Variants in QTMAN observed in about 807,000 individuals in gnomAD.
The protein encoded by QTMAN is queuosine-tRNA mannosyltransferase, also known as tRNA-queuosine alpha-mannosyltransferase.
chr2:144,203,188 T>TGC, the QTMAN span, among the ~76,000 whole-genome samples: 1 of 146,130 alleles, frequency 6.8e-6, no homozygotes, highest in Non-Finnish European at 1.5e-5. Flanking sequence ...TGTGTGTGTG[T>TGC]GTGCACGTGC....
At chr2:144,287,878 T>C in the QTMAN span, among the ~76,000 whole-genome samples, 6 of 152,182 alleles carry the variant, frequency 3.9e-5, no homozygotes, top group Non-Finnish European at 5.9e-5. Context: ...ATCTTTGACA[T>C]GGAGTCTCGC....
chr2:144,241,123 G>C, the QTMAN span, among the ~76,000 whole-genome samples: 3 of 152,194 alleles, frequency 2.0e-5, no homozygotes, highest in East Asian at 5.8e-4. Context: ...TCGAAGTGTG[G>C]TCCCTGGACC....
the QTMAN span, chr2:144,145,933 T>A: frequency 6.7e-6 from 1 of 149,640 alleles, no homozygotes; most frequent in African/African-American, 3.1e-5. Context: ...CTTAGAACTA[T>A]AAAGTCCCCG....
chr2:144,101,622 G>C, the QTMAN span, among the ~76,000 whole-genome samples: 1 of 151,910 alleles, frequency 6.6e-6, no homozygotes, highest in Non-Finnish European at 1.5e-5. Flanking sequence ...CCTCCCCACA[G>C]AATTCTCCAG....
At chr2:144,297,704 C>G in the QTMAN span, among the ~76,000 whole-genome samples, 2 of 151,392 alleles carry the variant, frequency 1.3e-5, no homozygotes, top group Non-Finnish European at 2.9e-5. Flanking sequence ...CCTCAGCCTC[C>G]TAAGTAGCTG....
chr2:144,276,049 A>G, the QTMAN span, among the ~76,000 whole-genome samples: 1 of 151,858 alleles, frequency 6.6e-6, no homozygotes, highest in African/African-American at 2.4e-5. Flanking sequence ...TACTTTTTTC[A>G]TTGTTTTTAT....
the QTMAN span, among the ~76,000 whole-genome samples, chr2:144,240,457 C>T: frequency 6.6e-6 from 1 of 152,092 alleles, no homozygotes; most frequent in Non-Finnish European, 1.5e-5. Flanking sequence ...TTATCATTAC[C>T]TATTCTAACC....
At chr2:144,329,598 T>C in the QTMAN span, among the ~76,000 whole-genome samples, 2 of 152,202 alleles carry the variant, frequency 1.3e-5, no homozygotes, top group East Asian at 3.8e-4. Flanking sequence ...TCACCTAAGG[T>C]GTTCTATTAC....
At chr2:143,982,286 A>AATG in the QTMAN span, among the ~76,000 whole-genome samples, 3 of 150,892 alleles carry the variant, frequency 2.0e-5, no homozygotes, top group Non-Finnish European at 3.0e-5. Context: ...ACTGGAGTGC[A>AATG]ATGGCGTGAT....
the QTMAN span, among the ~76,000 whole-genome samples, chr2:144,058,299 C>T: frequency 1.3e-5 from 2 of 151,982 alleles, no homozygotes; most frequent in Non-Finnish European, 2.9e-5. Flanking sequence ...ATGCATTCTG[C>T]TAAGGGCTGC....
chr2:144,118,510 T>A, the QTMAN span, among the ~76,000 whole-genome samples: 1 of 152,110 alleles, frequency 6.6e-6, no homozygotes, highest in Non-Finnish European at 1.5e-5. Context: ...TAAACAAACA[T>A]TCATAAAAAC....
the QTMAN span, among the ~76,000 whole-genome samples, chr2:144,245,921 C>T: frequency 6.6e-6 from 1 of 152,146 alleles, no homozygotes; most frequent in African/African-American, 2.4e-5. Flanking sequence ...TTCTTCAAAC[C>T]TAGGCATTGA....
chr2:143,958,694 G>A, the QTMAN span, among the ~76,000 whole-genome samples: 3 of 151,830 alleles, frequency 2.0e-5, no homozygotes, highest in Non-Finnish European at 4.4e-5. Flanking sequence ...TCATCCTACA[G>A]GAGTGTGGAC....
the QTMAN span, among the ~76,000 whole-genome samples, chr2:144,148,317 AAAAT>A: frequency 4.0e-5 from 6 of 151,812 alleles, no homozygotes; most frequent in Non-Finnish European, 8.8e-5. Flanking sequence ...CAGAGAGAGA[AAAAT>A]AAAAAATGTG....
At chr2:144,214,989 T>A in the QTMAN span, among the ~76,000 whole-genome samples, 1 of 152,132 alleles carries the variant, frequency 6.6e-6, no homozygotes, top group African/African-American at 2.4e-5. Flanking sequence ...ATGCCTGTAA[T>A]CCTAGCACTT....
chr2:144,221,999 T>C, the QTMAN span, among the ~76,000 whole-genome samples: 1 of 152,174 alleles, frequency 6.6e-6, no homozygotes, highest in Non-Finnish European at 1.5e-5. Flanking sequence ...GAAACTAAAA[T>C]AATTATTTTG....
chr2:144,254,178 T>C, the QTMAN span, among the ~76,000 whole-genome samples: 6 of 152,190 alleles, frequency 3.9e-5, no homozygotes, highest in Admixed American at 3.3e-4. Context: ...TCCCAGCACT[T>C]TGGGAGGCCA....
At chr2:144,007,043 C>T in the QTMAN span, 1 of 571,080 alleles carries the variant, frequency 1.8e-6, no homozygotes, top group South Asian at 2.7e-5. Flanking sequence ...ACCACCTTGG[C>T]AGATCATTAG....
At chr2:144,244,039 T>G in the QTMAN span, among the ~76,000 whole-genome samples, 2 of 152,204 alleles carry the variant, frequency 1.3e-5, no homozygotes, top group Non-Finnish European at 2.9e-5. Context: ...CATGTGAATG[T>G]TTTCCACTAA....
Sources: allele counts gnomAD v4.1 joint callset (sites outside exome capture counted in the v4.1 genomes callset), GRCh38; gene constraint gnomAD v4.1.1; transcripts MANE v1.5; gene names NCBI Gene and HGNC (gene_info 2026-07-23, HGNC 2026-07-21).